Variants in GIGYF2 observed in about 807,000 individuals in gnomAD.
GIGYF2 encodes GRB10-interacting GYF protein 2.
GIGYF2 carries 25 observed loss-of-function variants against 208.1 expected under a neutral mutation model. That is an observed-to-expected ratio of 0.12 (90% CI 0.09 to 0.17). The LOEUF is 0.17. Ranked by LOEUF, GIGYF2 falls within the 10% of genes least tolerant of loss-of-function variation. The probability of loss-of-function intolerance (pLI) is 1.00; values close to 1 mark genes in which losing one functional copy is unlikely to be tolerated. For synonymous variants in GIGYF2, 534 were observed against 543.8 expected (o/e 0.98, Z 0.25); for missense variants, 1,302 against 1,579.4 (o/e 0.82, Z 2.98).
chr2:232,701,317 G>C (rs1695828769), intron 1 of GIGYF2, among the ~76,000 whole-genome samples: 1 of 151,702 alleles, frequency 6.6e-6, no homozygotes, highest in African/African-American at 2.4e-5. Context: ...CTACAGTGCA[G>C]CGGCCTGATC....
rs749365582 is a variant in GIGYF2, at chr2:232,761,449, C to A, written c.532+13C>A. 9.3e-6 allele frequency: 14 copies of A among 1,511,682 alleles called. No individual in the cohort carries two copies. Among genetic ancestry groups the A allele is most frequent in the Non-Finnish European group, 1.3e-5 (14 of 1,087,422 alleles). The allele number at this position is 1,511,682 out of a possible 1,614,324, so 93.6% of individuals were successfully genotyped here. On this transcript the variant is annotated intron_variant, in intron 8 of 28. Transcript: ENST00000373563. ...CGAAAAGATGTAGGTAAGGTTCTTACCTACACACATAAGGATAAATTTATT... is the reference window on the plus strand; with the variant it reads ...CGAAAAGATGTAGGTAAGGTTCTTAACTACACACATAAGGATAAATTTATT...
At chr2:232,796,335 C>CA in intron 14 of GIGYF2, 114 bp downstream of exon 14, 1 of 756,070 alleles carries the variant, frequency 1.3e-6, no homozygotes, top group Non-Finnish European at 2.4e-6. Flanking sequence ...AACAAGCACA[C>CA]ACGCGCGCAC....
intron 8 of GIGYF2, among the ~76,000 whole-genome samples, chr2:232,762,598 CACAG>C (rs1698791570): frequency 6.6e-6 from 1 of 152,118 alleles, no homozygotes; most frequent in Admixed American, 6.5e-5. Context: ...AAATACCATT[CACAG>C]ACTGACTTGC....
intron 3 of GIGYF2, among the ~76,000 whole-genome samples, chr2:232,739,252 A>G (rs1160106544): frequency 4.6e-5 from 7 of 151,374 alleles, no homozygotes; most frequent in Admixed American, 4.6e-4. Context: ...TAGCTACTCA[A>G]GAGGCTGAGA....
At chr2:232,798,517 T>C (rs1700293480) in intron 14 of GIGYF2, among the ~76,000 whole-genome samples, 1 of 152,214 alleles carries the variant, frequency 6.6e-6, no homozygotes, top group African/African-American at 2.4e-5. Context: ...TACCATTTCA[T>C]ATGCCCACCA....
At chr2:232,810,827 A>T (rs965309240) in intron 16 of GIGYF2, 4 of 197,750 alleles carry the variant, frequency 2.0e-5, no homozygotes, top group South Asian at 1.6e-4. Context: ...ATGAATTTTT[A>T]TAGAAGTGTT....
rs112708049 is a variant in GIGYF2 at position 232,847,850 on chromosome 2, C to T, written c.3684+279C>T. On this transcript the variant is annotated intron_variant, in intron 27 of 28. Coordinates refer to ENST00000373563, the MANE Select transcript of GIGYF2 (RefSeq NM_001103146.3). ...AGTTAGATTGCACATTTCAACATGT[C>T]AAACCCATAGATCTGGTTTTGAAAA... 1.5e-4 allele frequency among the ~76,000 whole-genome samples: 23 copies of T among 152,288 alleles called. 1 individual carries two copies. The highest frequency in any genetic ancestry group is 5.5e-4 in the African/African-American group (23 of 41,546).
At chr2:232,713,270 GT>G (rs1181381105) in intron 2 of GIGYF2, among the ~76,000 whole-genome samples, 1 of 152,032 alleles carries the variant, frequency 6.6e-6, no homozygotes, top group African/African-American at 2.4e-5. Context: ...CAGAGACAGG[GT>G]TTCACCATGT....
At chr2:232,796,282 A>G (rs1700220274) in intron 14 of GIGYF2, 61 bp downstream of exon 14, 1 of 1,067,454 alleles carries the variant, frequency 9.4e-7, no homozygotes, top group South Asian at 1.2e-5. Context: ...AGAATCTCTA[A>G]GAAGGGATTT....
intron 17 of GIGYF2, among the ~76,000 whole-genome samples, chr2:232,812,098 A>G (rs1700750550): frequency 6.6e-6 from 1 of 152,202 alleles, no homozygotes; most frequent in African/African-American, 2.4e-5. Flanking sequence ...AGATACGGAT[A>G]TACAGTATCT....
At chr2:232,710,484 C>T (rs978561040) in intron 2 of GIGYF2, among the ~76,000 whole-genome samples, 10 of 152,118 alleles carry the variant, frequency 6.6e-5, no homozygotes, top group Admixed American at 2.0e-4. Flanking sequence ...TAATGATTGC[C>T]TTGTGCCAGG....
At chr2:232,800,515 TTACTC>T (rs780495149) in intron 14 of GIGYF2, among the ~76,000 whole-genome samples, 1 of 152,172 alleles carries the variant, frequency 6.6e-6, no homozygotes, top group African/African-American at 2.4e-5. Flanking sequence ...ACTGTTTTGA[TTACTC>T]TATCTTTGCA....
chr2:232,754,365 A>C (rs1336114106), intron 5 of GIGYF2, among the ~76,000 whole-genome samples: 1 of 152,226 alleles, frequency 6.6e-6, no homozygotes, highest in Non-Finnish European at 1.5e-5. Context: ...GGTAAGAAGT[A>C]GAATTGTTGT....
intron 9 of GIGYF2, among the ~76,000 whole-genome samples, chr2:232,790,047 G>A (rs553521054): frequency 6.6e-6 from 1 of 152,152 alleles, no homozygotes; most frequent in East Asian, 1.9e-4. Context: ...TGCCATGTGC[G>A]AGTTACTTCT....
chr2:232,799,149 G>A (rs1700313416), intron 14 of GIGYF2, among the ~76,000 whole-genome samples: 1 of 151,972 alleles, frequency 6.6e-6, no homozygotes, highest in Non-Finnish European at 1.5e-5. Flanking sequence ...TCCTTTTTAA[G>A]ACTGAATAAT....
chr2:232,753,325 T>C (rs907613695), intron 5 of GIGYF2, among the ~76,000 whole-genome samples: 1 of 152,094 alleles, frequency 6.6e-6, no homozygotes, highest in African/African-American at 2.4e-5. Flanking sequence ...GGTTTCACCA[T>C]GTTGGCCAGG....
At chr2:232,713,647 C>A (rs2106260473) in intron 2 of GIGYF2, among the ~76,000 whole-genome samples, 1 of 152,300 alleles carries the variant, frequency 6.6e-6, no homozygotes, top group East Asian at 1.9e-4. Context: ...AGTCATGCAT[C>A]CTTAGGCTTC....
At chr2:232,769,462 T>A (rs1699133212) in intron 8 of GIGYF2, among the ~76,000 whole-genome samples, 2 of 133,900 alleles carry the variant, frequency 1.5e-5, no homozygotes, top group South Asian at 4.5e-4. Flanking sequence ...GCCAAGTTTG[T>A]AGCACTGCAC....
intron 14 of GIGYF2, among the ~76,000 whole-genome samples, chr2:232,800,959 C>T (rs1236186400): frequency 6.6e-6 from 1 of 152,022 alleles, no homozygotes; most frequent in Non-Finnish European, 1.5e-5. Context: ...CTCACTGCAA[C>T]CTCTGCCTTC....
Sources: gnomAD v4.1 joint callset for allele counts (sites outside exome capture counted in the v4.1 genomes callset) on GRCh38, gnomAD v4.1.1 for gene constraint, MANE v1.5 for transcripts, NCBI Gene and HGNC (gene_info 2026-07-23, HGNC 2026-07-21) for gene names.